PPFIA2: variants seen among roughly 807,000 people sequenced by gnomAD.
PPFIA2 encodes liprin-alpha-2.
PPFIA2 carries 46 observed loss-of-function variants against 175.5 expected under a neutral mutation model. The observed-to-expected ratio is 0.26, with a 90% confidence interval of 0.21 to 0.34. The LOEUF (loss-of-function observed/expected upper bound fraction) is 0.34. PPFIA2 is among the 10% of genes least tolerant of loss of function. The pLI is 1.00. For missense variants in PPFIA2, 1,179 were observed against 1,506.1 expected, an observed-to-expected ratio of 0.78 and a Z score of 3.60; for synonymous variants, 568 against 511.4, an observed-to-expected ratio of 1.11 and a Z score of -1.49.
At chr12:81,563,444 T>C (rs2070625885) in intron 4 of PPFIA2, among the ~76,000 whole-genome samples, 1 of 152,230 alleles carries the variant, frequency 6.6e-6, no homozygotes, top group South Asian at 2.1e-4. Context: ...TGGAAAAGCT[T>C]GTGGAACTTG....
At chr12:81,378,136 C>G (rs1238198726) in intron 9 of PPFIA2, 1 of 152,140 alleles carries the variant, frequency 6.6e-6, no homozygotes, top group African/African-American at 2.4e-5. Context: ...AAGAAGAAAT[C>G]TCACTAGAGC....
chr12:81,309,426 G>T (rs569195977), intron 22 of PPFIA2, among the ~76,000 whole-genome samples: 2 of 152,000 alleles, frequency 1.3e-5, no homozygotes, highest in Non-Finnish European at 2.9e-5. Context: ...TCAGAAGATT[G>T]ATTACCTAAC....
chr12:81,368,971 G>A (rs2034338695), intron 12 of PPFIA2, 115 bp from the exon 13 acceptor site: 1 of 1,336,582 alleles, frequency 7.5e-7, no homozygotes, highest in Non-Finnish European at 1.0e-6. Context: ...TTAAAGTGGT[G>A]GAAACATTTT....
intron 4 of PPFIA2, among the ~76,000 whole-genome samples, chr12:81,552,651 A>AT (rs2068125917): frequency 6.6e-6 from 1 of 152,058 alleles, no homozygotes; most frequent in Non-Finnish European, 1.5e-5. Flanking sequence ...AATATCAAAA[A>AT]TTCATGTGTG....
At chr12:81,316,174 G>A (rs773685408) in intron 22 of PPFIA2, among the ~76,000 whole-genome samples, 6 of 151,390 alleles carry the variant, frequency 4.0e-5, no homozygotes, top group African/African-American at 4.8e-5. Context: ...GTAAAACCCC[G>A]GCAAGAGAGA....
chr12:81,449,881 C>A (rs1002124824), intron 5 of PPFIA2, among the ~76,000 whole-genome samples: 32 of 148,060 alleles, frequency 2.2e-4, no homozygotes, highest in Non-Finnish European at 3.9e-4. Context: ...TGAGTGAAAA[C>A]ATGCGGTGTT....
intron 5 of PPFIA2, among the ~76,000 whole-genome samples, chr12:81,448,303 C>G (rs1423871406): frequency 6.6e-6 from 1 of 152,158 alleles, no homozygotes; most frequent in Admixed American, 6.5e-5. Flanking sequence ...TGTAAGCACT[C>G]TCTTTCATGC....
chr12:81,339,083 T>G, intron 21 of PPFIA2, 97 bp downstream of exon 21: 1 of 1,146,056 alleles, frequency 8.7e-7, no homozygotes, highest in Non-Finnish European at 1.2e-6. Flanking sequence ...AGAGAAGAAA[T>G]GAAAAGAAGA....
intron 4 of PPFIA2, among the ~76,000 whole-genome samples, chr12:81,539,457 G>A (rs567282039): frequency 3.6e-4 from 55 of 151,860 alleles, no homozygotes; most frequent in Non-Finnish European, 7.4e-4. Context: ...AGAAACAAGC[G>A]ATGTAGGAGT....
intron 3 of PPFIA2, among the ~76,000 whole-genome samples, chr12:81,703,395 T>C (rs1474108758): frequency 6.6e-6 from 1 of 152,092 alleles, no homozygotes; most frequent in Non-Finnish European, 1.5e-5. Context: ...CCTTGATTTT[T>C]ATTCTTCCTC....
At chr12:81,372,655 T>A (rs1275649744) in intron 11 of PPFIA2, among the ~76,000 whole-genome samples, 15 of 146,106 alleles carry the variant, frequency 1.0e-4, no homozygotes, top group Non-Finnish European at 1.4e-4. Context: ...AAAAAAAAAA[T>A]GACAGGCAAA....
At chr12:81,725,443 A>G (rs974078033) in intron 3 of PPFIA2, among the ~76,000 whole-genome samples, 2 of 150,924 alleles carry the variant, frequency 1.3e-5, no homozygotes, top group African/African-American at 4.8e-5. Flanking sequence ...CAATTAATCA[A>G]TTGTTTAGTT....
At chr12:81,589,047 C>A (rs893647170) in intron 4 of PPFIA2, among the ~76,000 whole-genome samples, 36 of 152,076 alleles carry the variant, frequency 2.4e-4, no homozygotes, top group African/African-American at 8.7e-4. Context: ...AGAATACCAG[C>A]AATGACTATA....
chr12:81,451,380 A>T (rs2052540604), intron 5 of PPFIA2, among the ~76,000 whole-genome samples: 1 of 151,980 alleles, frequency 6.6e-6, no homozygotes, highest in Non-Finnish European at 1.5e-5. Context: ...AGTCAACCAG[A>T]CCTGACCACC....
Position 81,754,158 on chromosome 12 carries a change from T to C in PPFIA2, c.64A>G (p.Ser22Gly). ...TGGGAGTCTGAGTCCGAGCCACTGC[T>C]TTGGGACCCCCTTTGGCTCATTGGG... The part of the protein sequence containing the change: ...DTPMSQRGSQ[S>G]SGSDSDSHFE... The change falls in exon 3 of 33, where the codon AGC becomes GGC. Residue 22 changes from serine (S) to glycine (G), a missense_variant. This residue lies in a region of PPFIA2 where 128 missense variants were observed against 141.4 expected (regional missense o/e 0.91). Coordinates refer to ENST00000549396, the MANE Select transcript of PPFIA2 (RefSeq NM_003625.5). The C allele has an allele frequency of 6.2e-7, 1 of 1,613,010 alleles. No individual in the cohort carries two copies. Among genetic ancestry groups the C allele is most frequent in the African/African-American group, 1.3e-5 (1 of 75,056 alleles).
chr12:81,663,202 G>T (rs909094118), intron 4 of PPFIA2, among the ~76,000 whole-genome samples: 1 of 152,176 alleles, frequency 6.6e-6, no homozygotes, highest in African/African-American at 2.4e-5. Context: ...AATCAGGCAG[G>T]AGGAGGAAAT....
At chr12:81,443,049 G>A (rs904006908) in intron 6 of PPFIA2, among the ~76,000 whole-genome samples, 1 of 150,312 alleles carries the variant, frequency 6.7e-6, no homozygotes. Flanking sequence ...CAAGCATCTG[G>A]ATCAACAGTA....
chr12:81,374,283 T>C (rs916240125), intron 11 of PPFIA2, among the ~76,000 whole-genome samples: 2 of 152,122 alleles, frequency 1.3e-5, no homozygotes, highest in African/African-American at 4.8e-5. Context: ...CTAATAGCAA[T>C]TGATGTGAAG....
chr12:81,283,172 C>G (rs374330913), intron 25 of PPFIA2, 133 bp from the exon 26 acceptor site: 1 of 821,182 alleles, frequency 1.2e-6, no homozygotes, highest in Admixed American at 2.2e-5. Context: ...AATAAACACA[C>G]AGATTCATAG....
Sources: gnomAD v4.1 joint callset for allele counts (sites outside exome capture counted in the v4.1 genomes callset) on GRCh38, gnomAD v4.1.1 for gene constraint, gnomAD v4.1.1 regional missense constraint, MANE v1.5 for transcripts, NCBI Gene and HGNC (gene_info 2026-07-23, HGNC 2026-07-21) for gene names.